PHF21A: variants seen among roughly 807,000 people sequenced by gnomAD.
PHF21A encodes the protein BHC80a.
Under a neutral mutation model 82.5 loss-of-function variants are expected in PHF21A, and 11 were observed. The ratio of observed to expected loss-of-function variants is 0.13; its 90% confidence interval spans 0.08 to 0.22. The LOEUF (loss-of-function observed/expected upper bound fraction) is 0.22, where lower values mean the gene tolerates loss of function less well. Ranked by LOEUF, PHF21A falls within the 10% of genes least tolerant of loss-of-function variation. PHF21A has a pLI of 1.00. For missense variants in PHF21A, 579 were observed against 837.8 expected (o/e 0.69, Z 3.81); for synonymous variants, 297 against 302.8 (o/e 0.98, Z 0.20).
chr11:46,072,129 A>G (rs1333912595), intron 6 of PHF21A, among the ~76,000 whole-genome samples: 2 of 152,222 alleles, frequency 1.3e-5, no homozygotes, highest in East Asian at 3.8e-4. Flanking sequence ...TAGTAATCCT[A>G]CAGATACAGA....
chr11:46,113,150 C>A (rs1020271350), intron 1 of PHF21A, among the ~76,000 whole-genome samples: 1 of 152,200 alleles, frequency 6.6e-6, no homozygotes, highest in Non-Finnish European at 1.5e-5. Context: ...CAGGTCCCAG[C>A]ATGCAGTGCT....
chr11:45,939,579 C>G (rs930320553), intron 15 of PHF21A, among the ~76,000 whole-genome samples: 1 of 152,018 alleles, frequency 6.6e-6, no homozygotes. Context: ...TTCTGGGAGG[C>G]TTTATCCCTA....
At chr11:45,989,266 T>C (rs935039908) in intron 6 of PHF21A, among the ~76,000 whole-genome samples, 1 of 152,128 alleles carries the variant, frequency 6.6e-6, no homozygotes, top group African/African-American at 2.4e-5. Context: ...TTTTAAATCA[T>C]TAGTACTACA....
intron 14 of PHF21A, 69 bp from the exon 15 acceptor site, chr11:45,946,072 A>G (rs1392052941): frequency 6.2e-7 from 1 of 1,613,968 alleles, no homozygotes; most frequent in Non-Finnish European, 8.5e-7. Context: ...ATGATCTTAC[A>G]TACCTTTGGC....
intron 12 of PHF21A, among the ~76,000 whole-genome samples, 193 bp downstream of exon 12, chr11:45,950,013 T>C (rs186587272): frequency 3.9e-5 from 6 of 152,174 alleles, no homozygotes; most frequent in Admixed American, 3.3e-4. Flanking sequence ...CCCAGGACAG[T>C]AGTGTGGATA....
chr11:45,995,158 G>A (rs1202474206), intron 6 of PHF21A, among the ~76,000 whole-genome samples: 1 of 152,200 alleles, frequency 6.6e-6, no homozygotes, highest in Non-Finnish European at 1.5e-5. Flanking sequence ...AGGCAAGTGT[G>A]ATAGGCTTGC....
intron 6 of PHF21A, among the ~76,000 whole-genome samples, chr11:46,004,819 T>C (rs1017492937): frequency 1.3e-5 from 2 of 152,142 alleles, no homozygotes; most frequent in African/African-American, 4.8e-5. Flanking sequence ...CTCCTGAAAA[T>C]ACCATCTCTC....
At position 45,933,346 on chromosome 11, in the gene PHF21A, C is replaced by T. The variant is rs1433028890; in HGVS notation, c.*622G>A. 6.5e-6 allele frequency: 1 copy of T among 152,676 alleles called. No individual in the cohort carries two copies. Among genetic ancestry groups the T allele is most frequent in the Non-Finnish European group, 1.5e-5 (1 of 68,078 alleles). The allele number at this position is 152,676 out of a possible 1,614,324, so 9.5% of individuals were successfully genotyped here. ...CCTACTGGCTGTTCTTGGTGTCAGT[C>T]TCCCCTTGCACGAGGCCCCCGCCAG... is the stretch of plus-strand genomic sequence containing the variant. On this transcript the variant is annotated 3_prime_UTR_variant, in exon 19 of 19. Transcript: ENST00000676320.
Position 46,088,122 on chromosome 11 carries a change from T to C in PHF21A, c.-84+2333A>G, listed in dbSNP as rs533941036. Among the ~76,000 whole-genome samples, 22 of 152,326 alleles carry C rather than the reference T, an allele frequency of 1.4e-4. No homozygotes were observed. The South Asian group carries it at 4.3e-3, about 30-fold the overall frequency. On this transcript the variant is annotated intron_variant, in intron 3 of 18. Coordinates refer to ENST00000676320, the MANE Select transcript of PHF21A (RefSeq NM_001352027.3). Reference sequence around the variant, plus strand: ...CTGAATACCACTGGGAGGCAGTTTATAGCATCAAAAGAATTATTGGCTACA... The same window carrying C: ...CTGAATACCACTGGGAGGCAGTTTACAGCATCAAAAGAATTATTGGCTACA...
chr11:45,966,350 T>C (rs2093433470), intron 9 of PHF21A, among the ~76,000 whole-genome samples: 1 of 152,204 alleles, frequency 6.6e-6, no homozygotes. Flanking sequence ...AAGTACCCTT[T>C]TCTTGACAAA....
chr11:46,048,589 G>C (rs1592481693), intron 6 of PHF21A, among the ~76,000 whole-genome samples: 3 of 152,094 alleles, frequency 2.0e-5, no homozygotes, highest in South Asian at 4.2e-4. Flanking sequence ...GGCCAACATG[G>C]TGAAACCCCA....
At chr11:46,042,832 C>G (rs570162407) in intron 6 of PHF21A, among the ~76,000 whole-genome samples, 1 of 152,138 alleles carries the variant, frequency 6.6e-6, no homozygotes, top group East Asian at 1.9e-4. Flanking sequence ...ATCTATGAAG[C>G]AGACAGTAGG....
intron 6 of PHF21A, among the ~76,000 whole-genome samples, chr11:46,050,352 C>T (rs1355892151): frequency 3.9e-5 from 6 of 152,232 alleles, no homozygotes; most frequent in Non-Finnish European, 8.8e-5. Flanking sequence ...TTACTTTGAT[C>T]AACTGAGTGG....
intron 6 of PHF21A, among the ~76,000 whole-genome samples, chr11:46,012,577 A>G (rs957605369): frequency 6.6e-6 from 1 of 152,188 alleles, no homozygotes; most frequent in Non-Finnish European, 1.5e-5. Flanking sequence ...ATGGAGATAA[A>G]AGTAGCTACC....
intron 7 of PHF21A, among the ~76,000 whole-genome samples, chr11:45,977,601 CTGTTTAAAACT>C (rs556964179): frequency 3.3e-5 from 5 of 152,200 alleles, no homozygotes; most frequent in Non-Finnish European, 7.3e-5. Context: ...TAACCCAATT[CTGTTTAAAACT>C]TAAACAAAAA....
Position 45,933,873 on chromosome 11 carries a change from G to T in PHF21A, c.*95C>A. 8.1e-7 allele frequency: 1 copy of T among 1,240,002 alleles called. No individual in the cohort carries two copies. The highest frequency in any genetic ancestry group is 1.1e-6 in the Non-Finnish European group (1 of 906,632). The allele number at this position is 1,240,002 out of a possible 1,614,324, so 76.8% of individuals were successfully genotyped here. A position where few individuals can be genotyped will look rare whatever the true frequency, so the allele number is the denominator to read the frequency against. On this transcript the variant is annotated 3_prime_UTR_variant, in exon 19 of 19. Coordinates refer to ENST00000676320, the MANE Select transcript of PHF21A (RefSeq NM_001352027.3). ...GGAACCAAAGAACCAAAAGAATTCT[G>T]CACTTTCCAGAAATCCGGCTTTGCT...
intron 6 of PHF21A, among the ~76,000 whole-genome samples, chr11:46,018,315 C>T (rs1385922937): frequency 1.3e-5 from 2 of 151,798 alleles, no homozygotes; most frequent in Non-Finnish European, 2.9e-5. Context: ...TCAAAATGTA[C>T]CTCCCCAGAA....
chr11:45,936,119 A>T (rs1268394386), intron 17 of PHF21A, among the ~76,000 whole-genome samples: 1 of 152,120 alleles, frequency 6.6e-6, no homozygotes, highest in East Asian at 1.9e-4. Context: ...TCCACCAAAA[A>T]ATACTAAAGT....
intron 6 of PHF21A, among the ~76,000 whole-genome samples, chr11:46,043,632 T>TA (rs35843112): frequency 3.1e-4 from 46 of 149,402 alleles, no homozygotes; most frequent in Admixed American, 6.0e-4. Context: ...AAAGGGCCAT[T>TA]AAAAAAAAAA....
Sources: gnomAD v4.1 joint callset for allele counts (sites outside exome capture counted in the v4.1 genomes callset) on GRCh38, gnomAD v4.1.1 for gene constraint, MANE v1.5 for transcripts, NCBI Gene and HGNC (gene_info 2026-07-23, HGNC 2026-07-21) for gene names.